SLC38A10: variants seen among roughly 807,000 people sequenced by gnomAD.
SLC38A10 encodes the protein Sodium-coupled neutral amino acid transporter 10.
Under a neutral mutation model 81.0 loss-of-function variants are expected in SLC38A10, and 53 were observed. The ratio of observed to expected loss-of-function variants is 0.65; its 90% confidence interval spans 0.53 to 0.82. The LOEUF (loss-of-function observed/expected upper bound fraction) is 0.82. Ranked by LOEUF, SLC38A10 falls within the 40% of genes least tolerant of loss-of-function variation. The pLI, the probability that SLC38A10 is intolerant of heterozygous loss-of-function variation, is 0.00. For missense variants in SLC38A10, 1,471 were observed against 1,545.0 expected (o/e 0.95, Z 0.80); for synonymous variants, 665 against 655.3 (o/e 1.01, Z -0.23).
At chr17:81,249,861 C>T (rs140867562) in intron 14 of SLC38A10, among the ~76,000 whole-genome samples, 102 of 152,260 alleles carry the variant, frequency 6.7e-4, no homozygotes, top group African/African-American at 2.1e-3. Context: ...AGAAGGACCA[C>T]GGCATTTGTA....
At position 81,253,793 on chromosome 17, in the gene SLC38A10, CCATCACCATCATCATCACCGTCACCAT is replaced by C. The variant is rs1187986641; in HGVS notation, c.1289-580_1289-554del. Among the ~76,000 whole-genome samples the C allele has an allele frequency of 6.7e-6, 1 of 148,850 alleles. No individual in the cohort carries two copies. Among genetic ancestry groups the C allele is most frequent in the Non-Finnish European group, 1.5e-5 (1 of 67,324 alleles). On this transcript the variant is annotated intron_variant, in intron 11 of 15. Coordinates refer to ENST00000374759, the MANE Select transcript of SLC38A10 (RefSeq NM_001037984.3). This position sits in a 1 kb window ranked among gnomAD's most constrained non-coding sequence, Gnocchi z 4.1. ...ATCATCACCATCTCCATCCCTACCA[CCATCACCATCATCATCACCGTCACCAT>C]CATCACCATCACCGCTATCATCACC...
In SLC38A10 at chr17:81,258,937, C is replaced by A. The variant is rs1288536465; in HGVS notation, c.1288+1301G>T. On this transcript the variant is annotated intron_variant, in intron 11 of 15. Transcript: ENST00000374759. Reference sequence around the variant, plus strand: ...TGCACGGAACCCAGAAGGCAGGGCTCCCCTGCCCACCTTCGCCATCCGGGA... The same window carrying A: ...TGCACGGAACCCAGAAGGCAGGGCTACCCTGCCCACCTTCGCCATCCGGGA... 5.9e-5 allele frequency among the ~76,000 whole-genome samples: 9 copies of A among 152,198 alleles called. No homozygotes were observed. The East Asian group carries it at 1.7e-3, about 29-fold the overall frequency.
chr17:81,293,608 A>G (rs576573627), intron 1 of SLC38A10, among the ~76,000 whole-genome samples: 1 of 152,242 alleles, frequency 6.6e-6, no homozygotes, highest in Non-Finnish European at 1.5e-5. Context: ...AGCAGCTGAG[A>G]CTACAGGTAT....
chr17:81,245,636 G>T lies in SLC38A10; in HGVS notation c.3280C>A (p.Arg1094Ser), dbSNP rs376896275. The change falls in exon 16 of 16, where the codon CGC (arginine) becomes AGC (serine). Residue 1094 changes from arginine to serine, a missense_variant. This residue lies in a region of SLC38A10 where 751 missense variants were observed against 717.4 expected (regional missense o/e 1.05). Transcript: ENST00000374759. ...DLRGALDAQL[R>S]QAAGGALQVV... ...TGCAGAGCTCCCCCCGCAGCCTGGC[G>T]GAGCTGGGCATCCAGGGCGCCACGG... The T allele has an allele frequency of 1.2e-6, 2 of 1,612,304 alleles. No individual in the cohort carries two copies. The highest frequency in any genetic ancestry group is 1.7e-6 in the Non-Finnish European group (2 of 1,179,758).
rs2063239153 is a variant in SLC38A10 at position 81,283,872 on chromosome 17, A to C, written c.264-370T>G. ...TGATCCGCCTGCCTCAGCCTCCCAA[A>C]GTGCTGGGATTACAGGCGTGAGCCA... On this transcript the variant is annotated intron_variant, in intron 3 of 15. Transcript: ENST00000374759. The surrounding 1 kb of genome is among the most constrained non-coding windows in gnomAD (Gnocchi z 4.7). Among the ~76,000 whole-genome samples the C allele has an allele frequency of 6.7e-6, 1 of 150,214 alleles. No homozygotes were observed. The highest frequency in any genetic ancestry group is 2.4e-5 in the African/African-American group (1 of 40,906).
In SLC38A10 at chr17:81,280,810, T is replaced by G. The variant is rs890649278; in HGVS notation, c.502-77A>C. On this transcript the variant is annotated intron_variant, in intron 5 of 15. Transcript: ENST00000374759. ...CTCAGCATCCCGGCCCACGCGCCGCTAGGAAGGAGTGGCAGGAGAGTGCAG... is the reference window on the plus strand; with the variant it reads ...CTCAGCATCCCGGCCCACGCGCCGCGAGGAAGGAGTGGCAGGAGAGTGCAG... 6 of 1,523,600 alleles carry G rather than the reference T, an allele frequency of 3.9e-6. No homozygotes were observed. The African/African-American group carries it at 5.5e-5, about 14-fold the overall frequency. The allele number at this position is 1,523,600 out of a possible 1,614,324, so 94.4% of individuals were successfully genotyped here.
Position 81,292,767 on chromosome 17 carries a change from G to A in SLC38A10, c.99+2056C>T, listed in dbSNP as rs577380135. ...GTCCAAGGCTCGAGATAGCTGGATC[G>A]TCTGGGCCCTAAGATGTACTTTCAC... On this transcript the variant is annotated intron_variant, in intron 1 of 15. Coordinates refer to ENST00000374759, the MANE Select transcript of SLC38A10 (RefSeq NM_001037984.3). 1.2e-4 allele frequency among the ~76,000 whole-genome samples: 18 copies of A among 152,314 alleles called. No individual in the cohort carries two copies. The South Asian group carries it at 1.9e-3, about 16-fold the overall frequency.
rs2146953481 is a variant in SLC38A10 at position 81,286,342 on chromosome 17, A to T, written c.218-1447T>A. 6.6e-6 allele frequency among the ~76,000 whole-genome samples: 1 copy of T among 152,320 alleles called. No homozygotes were observed. The highest frequency in any genetic ancestry group is 1.9e-4 in the East Asian group (1 of 5,182). On this transcript the variant is annotated intron_variant, in intron 2 of 15. Transcript: ENST00000374759. This position sits in a 1 kb window ranked among gnomAD's most constrained non-coding sequence, Gnocchi z 6.0. ...GGGAAAATGGGAGGCTGTCTAGGAA[A>T]TCAGGGCAGCACTCTCTTCTGGTTC...
At chr17:81,262,362 G>A (rs758358967) in intron 10 of SLC38A10, among the ~76,000 whole-genome samples, 4 of 152,184 alleles carry the variant, frequency 2.6e-5, no homozygotes, top group East Asian at 1.9e-4. Context: ...AATTCAACCC[G>A]ACCCACCAGG....
chr17:81,247,626 G>C (rs1253563723), intron 14 of SLC38A10: 1 of 148,462 alleles, frequency 6.7e-6, no homozygotes, highest in African/African-American at 2.5e-5. Context: ...AGGAGTTAGA[G>C]ACCAGCCTGG....
chr17:81,293,845 T>C (rs1051318383), intron 1 of SLC38A10, among the ~76,000 whole-genome samples: 3 of 152,262 alleles, frequency 2.0e-5, no homozygotes, highest in Admixed American at 2.0e-4. Flanking sequence ...CAGTCAGCCT[T>C]TCTTTTCCAA....
rs74002215 is a variant in SLC38A10 at position 81,246,514 on chromosome 17, C to T, written c.2402G>A (p.Arg801His). Residue 801 changes from arginine (R) to histidine (H), a missense_variant, in exon 16 of 16, where the codon CGC becomes CAC. Coordinates refer to ENST00000374759, the MANE Select transcript of SLC38A10 (RefSeq NM_001037984.3). ...AGGCCCCTCAGAGTGCTCCAGGGAGCGCTGGTTAAGGTCCTGGGATGGAGC... is the reference window on the plus strand; with the variant it reads ...AGGCCCCTCAGAGTGCTCCAGGGAGTGCTGGTTAAGGTCCTGGGATGGAGC... ...RPAPSQDLNQ[R>H]SLEHSEGPVG... 35 of 1,530,424 alleles carry T rather than the reference C, an allele frequency of 2.3e-5. No individual in the cohort carries two copies. The Middle Eastern group carries it at 7.2e-4, about 31-fold the overall frequency. The allele number at this position is 1,530,424 out of a possible 1,614,324, so 94.8% of individuals were successfully genotyped here.
intron 9 of SLC38A10, 31 bp downstream of exon 9, chr17:81,272,484 TC>T: frequency 2.0e-6 from 3 of 1,504,834 alleles, no homozygotes; most frequent in East Asian, 2.4e-5. Flanking sequence ...CGGGTCCCAC[TC>T]CCCGGCAACA....
chr17:81,279,653 AC>A (rs2063191990), intron 6 of SLC38A10: 1 of 154,914 alleles, frequency 6.5e-6, no homozygotes, highest in African/African-American at 2.4e-5. Context: ...CCGGAACCAG[AC>A]CCGAACGAGG....
Position 81,253,992 on chromosome 17 carries a change from A to G in SLC38A10, c.1289-752T>C, listed in dbSNP as rs1160231471. ...CCATCCCCACCACCATCGCTGCATC[A>G]TTGCCACCACCTCCATAATCATCAC... On this transcript the variant is annotated intron_variant, in intron 11 of 15. Coordinates refer to ENST00000374759, the MANE Select transcript of SLC38A10 (RefSeq NM_001037984.3). The surrounding 1 kb of genome is among the most constrained non-coding windows in gnomAD (Gnocchi z 4.1). Among the ~76,000 whole-genome samples, 3 of 151,254 alleles carry G rather than the reference A, an allele frequency of 2.0e-5. No individual in the cohort carries two copies. The highest frequency in any genetic ancestry group is 7.4e-5 in the African/African-American group (3 of 40,810).
chr17:81,274,155 C>A (rs550598294), intron 8 of SLC38A10, among the ~76,000 whole-genome samples: 1 of 152,240 alleles, frequency 6.6e-6, no homozygotes, highest in Non-Finnish European at 1.5e-5. Context: ...CGCGGAGGGA[C>A]CCCACGGCCA....
rs762574221 is a variant in SLC38A10 at position 81,253,220 on chromosome 17, C to G, written c.1309G>C (p.Val437Leu). The G allele has an allele frequency of 6.2e-7, 1 of 1,613,532 alleles. No homozygotes were observed. Among genetic ancestry groups the G allele is most frequent in the Non-Finnish European group, 8.5e-7 (1 of 1,180,042 alleles). Reference protein sequence around the residue: ...RLSAQDPVVAVAEDGREKPKL... With the variant: ...RLSAQDPVVALAEDGREKPKL... ...GGCTTCTCCCGGCCATCCTCAGCCA[C>G]GGCCACAACCGGATCCTGGGCTGGG... The change falls in exon 12 of 16, where the codon GTG becomes CTG. Residue 437 changes from valine to leucine, a missense_variant. Physicochemically the swap from Val to Leu is conservative, Grantham distance 32 (BLOSUM62 1). Transcript: ENST00000374759. The surrounding 1 kb of genome is among the most constrained non-coding windows in gnomAD (Gnocchi z 4.1).
Position 81,253,841 on chromosome 17 carries a change from T to C in SLC38A10, c.1289-601A>G, listed in dbSNP as rs927679145. Among the ~76,000 whole-genome samples the C allele has an allele frequency of 1.6e-4, 24 of 149,202 alleles. No homozygotes were observed. The highest frequency in any genetic ancestry group is 2.4e-4 in the Non-Finnish European group (16 of 67,266). On this transcript the variant is annotated intron_variant, in intron 11 of 15. Transcript: ENST00000374759. The surrounding 1 kb of genome is among the most constrained non-coding windows in gnomAD (Gnocchi z 4.1). Reference sequence around the variant, plus strand: ...ACCATCATCACCATCACCGCTATCATCACCACCATCTCCATCCCTACCACC... The same window carrying C: ...ACCATCATCACCATCACCGCTATCACCACCACCATCTCCATCCCTACCACC...
In SLC38A10 at chr17:81,261,946, G is replaced by A. The variant is rs1314786221; in HGVS notation, c.1132-1552C>T. On this transcript the variant is annotated intron_variant, in intron 10 of 15. Transcript: ENST00000374759. ...GCCCACAGAGCTCTGCCCCGCCCTG[G>A]CCCCGAATGTTCTCCTCCATTTGTA... Among the ~76,000 whole-genome samples, 12 of 152,350 alleles carry A rather than the reference G, an allele frequency of 7.9e-5. No individual in the cohort carries two copies. The South Asian group carries it at 1.0e-3, about 13-fold the overall frequency.
Sources: gnomAD v4.1 joint callset for allele counts (sites outside exome capture counted in the v4.1 genomes callset) on GRCh38, gnomAD v4.1.1 for gene constraint, gnomAD v4.1.1 regional missense constraint, Gnocchi (gnomAD v3.1) non-coding constraint, MANE v1.5 for transcripts, NCBI Gene and HGNC (gene_info 2026-07-23, HGNC 2026-07-21) for gene names.